The following ZNF407 variants were observed in gnomAD, a reference collection of about 807,000 sequenced individuals.
ZNF407 encodes zinc finger protein 407.
ZNF407 carries 17 observed loss-of-function variants against 131.2 expected under a neutral mutation model. The ratio of observed to expected loss-of-function variants is 0.13; its 90% CI spans 0.09 to 0.19. The LOEUF (loss-of-function observed/expected upper bound fraction) is 0.19, where lower values mean the gene tolerates loss of function less well. Among genes scored for constraint, ZNF407 ranks in the 10% least tolerant of loss-of-function variants. The probability of loss-of-function intolerance (pLI) is 1.00; values close to 1 mark genes in which losing one functional copy is unlikely to be tolerated. For missense variants in ZNF407, 2,681 were observed against 2,830.6 expected (o/e 0.95, Z 1.20); for synonymous variants, 1,156 against 1,062.0 (o/e 1.09, Z -1.72).
rs189920951 is a variant in ZNF407, at chr18:75,020,237, G to A, written c.5429-42913G>A. On this transcript the variant is annotated intron_variant, in intron 8 of 8. Coordinates refer to ENST00000299687, the MANE Select transcript of ZNF407 (RefSeq NM_017757.3). Reference sequence around the variant, plus strand: ...CATAGGTATGTGTATGTAGGAAAAAGCATATAGTGTGTATGTGTATGTATA... The same window carrying A: ...CATAGGTATGTGTATGTAGGAAAAAACATATAGTGTGTATGTGTATGTATA... Among the ~76,000 whole-genome samples, 65 of 152,008 alleles carry A rather than the reference G, an allele frequency of 4.3e-4. 2 individuals are homozygous for A. The highest frequency in any genetic ancestry group is 1.5e-3 in the African/African-American group (62 of 41,468).
chr18:74,650,139 A>G (rs952520952), intron 3 of ZNF407, among the ~76,000 whole-genome samples: 12 of 152,220 alleles, frequency 7.9e-5, no homozygotes, highest in Non-Finnish European at 1.6e-4. Context: ...ATTTTGTATT[A>G]GGAACAAATA....
intron 3 of ZNF407, among the ~76,000 whole-genome samples, chr18:74,702,894 A>G (rs990815311): frequency 2.0e-5 from 3 of 152,194 alleles, no homozygotes; most frequent in African/African-American, 7.2e-5. Context: ...AAGAGGAGAT[A>G]TTTGGAACAC....
chr18:74,793,234 G>C (rs1969858621), intron 4 of ZNF407, among the ~76,000 whole-genome samples: 1 of 152,168 alleles, frequency 6.6e-6, no homozygotes, highest in Admixed American at 6.5e-5. Flanking sequence ...AGTTGGTGTA[G>C]ATAAATAATA....
At chr18:74,830,044 G>A (rs755463591) in intron 4 of ZNF407, among the ~76,000 whole-genome samples, 5 of 152,106 alleles carry the variant, frequency 3.3e-5, no homozygotes, top group Non-Finnish European at 4.4e-5. Context: ...AGAGACCATA[G>A]GGAATGAGAA....
chr18:74,983,302 GC>G (rs1234044690), intron 8 of ZNF407, among the ~76,000 whole-genome samples: 4 of 152,138 alleles, frequency 2.6e-5, no homozygotes, highest in Non-Finnish European at 5.9e-5. Context: ...TGGGGGTATG[GC>G]CCCATTAAGG....
At position 75,064,295 on chromosome 18, in the gene ZNF407, G is replaced by T. The variant is rs1973683983; in HGVS notation, c.6574G>T (p.Glu2192Ter). The stretch of plus-strand genomic sequence containing the variant: ...GGGCCTGTACTCCCACACCGTGCTG[G>T]AGACTGCGGACTCGCAGGAACTCCT... ...EPGLYSHTVL[E>*]TADSQELLQA... Residue 2192 changes from glutamate to a stop codon, truncating the protein, a stop_gained, in exon 9 of 9, where the codon GAG (glutamate) becomes TAG (stop). Transcript: ENST00000299687. LOFTEE classifies it low-confidence loss of function (END_TRUNC). 6.2e-7 allele frequency: 1 copy of T among 1,603,642 alleles called. No individual in the cohort carries two copies. The highest frequency in any genetic ancestry group is 8.5e-7 in the Non-Finnish European group (1 of 1,176,078).
At chr18:74,657,487 T>C (rs550484608) in intron 3 of ZNF407, among the ~76,000 whole-genome samples, 14 of 151,586 alleles carry the variant, frequency 9.2e-5, no homozygotes, top group African/African-American at 3.4e-4. Flanking sequence ...GAGCGTGAGA[T>C]TTGATGTGAT....
At chr18:74,880,668 A>C (rs748319108) in intron 5 of ZNF407, among the ~76,000 whole-genome samples, 14 of 152,238 alleles carry the variant, frequency 9.2e-5, no homozygotes, top group Non-Finnish European at 1.8e-4. Context: ...TAACTATTCC[A>C]AGCAATCTTT....
In ZNF407 at chr18:74,982,325, C is replaced by G. The variant is rs550939206; in HGVS notation, c.5428+61633C>G. Among the ~76,000 whole-genome samples the G allele has an allele frequency of 4.6e-5, 7 of 152,248 alleles. 1 individual carries two copies. Among genetic ancestry groups the G allele is most frequent in the African/African-American group, 1.7e-4 (7 of 41,530 alleles). ...TTGAAAATACCTCCACTGGTAAAACCCAGACATTCTATAGTCTCTTTCTCA... is the reference window on the plus strand; with the variant it reads ...TTGAAAATACCTCCACTGGTAAAACGCAGACATTCTATAGTCTCTTTCTCA... On this transcript the variant is annotated intron_variant, in intron 8 of 8. Coordinates refer to ENST00000299687, the MANE Select transcript of ZNF407 (RefSeq NM_017757.3).
intron 7 of ZNF407, among the ~76,000 whole-genome samples, chr18:74,903,124 C>T (rs1252385766): frequency 6.6e-6 from 1 of 152,150 alleles, no homozygotes; most frequent in Non-Finnish European, 1.5e-5. Context: ...TACATGAATG[C>T]CAAAAGTTGT....
intron 8 of ZNF407, among the ~76,000 whole-genome samples, chr18:75,057,008 G>A (rs1030076897): frequency 2.6e-5 from 4 of 152,086 alleles, no homozygotes; most frequent in Non-Finnish European, 5.9e-5. Flanking sequence ...ATTATATGTG[G>A]CTTAAGAATT....
chr18:74,713,358 C>CTTTTTTTTTTTTTTT (rs5826345), intron 3 of ZNF407, among the ~76,000 whole-genome samples: 1 of 84,454 alleles, frequency 1.2e-5, no homozygotes, highest in African/African-American at 3.9e-5. Context: ...ATTTTAGCAT[C>CTTTTTTTTTTTTTTT]TTTTTTTTTT....
intron 8 of ZNF407, among the ~76,000 whole-genome samples, chr18:75,042,107 C>T (rs1403213817): frequency 6.6e-6 from 1 of 150,594 alleles, no homozygotes; most frequent in Non-Finnish European, 1.5e-5. Flanking sequence ...CACTATGTTG[C>T]CCCAGCTAAT....
At chr18:74,973,718 TGTTG>T (rs1416108801) in intron 8 of ZNF407, among the ~76,000 whole-genome samples, 1 of 152,044 alleles carries the variant, frequency 6.6e-6, no homozygotes. Flanking sequence ...GCGATCAAGG[TGTTG>T]GTCAGGCCAT....
chr18:74,763,194 AC>A (rs767303396), intron 3 of ZNF407, among the ~76,000 whole-genome samples: 1 of 19,524 alleles, frequency 5.1e-5, no homozygotes, highest in African/African-American at 1.5e-4. Flanking sequence ...TCTTCTTAGG[AC>A]CTTTTTTTTT....
At chr18:74,966,928 A>T (rs1471665646) in intron 8 of ZNF407, among the ~76,000 whole-genome samples, 1 of 152,164 alleles carries the variant, frequency 6.6e-6, no homozygotes, top group Non-Finnish European at 1.5e-5. Context: ...TGTAAATGGG[A>T]TTACTTTTTA....
chr18:74,909,726 T>G (rs1971643702), intron 7 of ZNF407, among the ~76,000 whole-genome samples: 1 of 152,152 alleles, frequency 6.6e-6, no homozygotes, highest in South Asian at 2.1e-4. Context: ...GGAGAAGGGT[T>G]TTATAAACCT....
At chr18:74,758,439 C>T (rs1969014152) in intron 3 of ZNF407, among the ~76,000 whole-genome samples, 1 of 152,140 alleles carries the variant, frequency 6.6e-6, no homozygotes, top group Non-Finnish European at 1.5e-5. Context: ...CTCCTACATA[C>T]ATTATTTCCT....
intron 7 of ZNF407, among the ~76,000 whole-genome samples, chr18:74,893,480 T>C (rs1971414203): frequency 6.6e-6 from 1 of 152,144 alleles, no homozygotes; most frequent in African/African-American, 2.4e-5. Context: ...GTATAAAAAA[T>C]TTGCAAAAGT....
Sources: gnomAD v4.1 joint callset for allele counts (sites outside exome capture counted in the v4.1 genomes callset) on GRCh38, gnomAD v4.1.1 for gene constraint, MANE v1.5 for transcripts, NCBI Gene and HGNC (gene_info 2026-07-23, HGNC 2026-07-21) for gene names.